LRP2: variants seen among roughly 807,000 people sequenced by gnomAD.
The protein encoded by LRP2 is low-density lipoprotein receptor-related protein 2.
In LRP2, 172 loss-of-function variants were observed where a neutral mutation model predicts 531.0. The ratio of observed to expected loss-of-function variants is 0.32; its 90% confidence interval spans 0.29 to 0.37. The LOEUF (loss-of-function observed/expected upper bound fraction) is 0.37. Ranked by LOEUF, LRP2 falls within the 10% of genes least tolerant of loss-of-function variation. The pLI is 1.00. For synonymous variants in LRP2, 1,992 were observed against 2,027.6 expected (o/e 0.98, Z 0.47); for missense variants, 5,167 against 5,868.3 (o/e 0.88, Z 3.90).
At chr2:169,214,209 T>G (rs1574141044) in intron 35 of LRP2, among the ~76,000 whole-genome samples, 1 of 152,158 alleles carries the variant, frequency 6.6e-6, no homozygotes, top group African/African-American at 2.4e-5. Flanking sequence ...CGTGGGCCAT[T>G]GCACAGGAGC....
intron 16 of LRP2, among the ~76,000 whole-genome samples, chr2:169,265,756 T>A (rs1473515149): frequency 3.9e-5 from 6 of 152,004 alleles, no homozygotes; most frequent in Admixed American, 3.9e-4. Flanking sequence ...GAAGCTATCA[T>A]GTAACTTGTT....
chr2:169,136,221 A>G (rs1356228254), intron 76 of LRP2, among the ~76,000 whole-genome samples: 2 of 152,048 alleles, frequency 1.3e-5, no homozygotes, highest in African/African-American at 4.8e-5. Context: ...ATCTTCCTTC[A>G]GCTTAATCTC....
chr2:169,141,794 C>G (rs1432849098), intron 71 of LRP2, among the ~76,000 whole-genome samples: 1 of 151,986 alleles, frequency 6.6e-6, no homozygotes, highest in East Asian at 1.9e-4. Context: ...ATATTGGATT[C>G]CTACCAATAT....
In LRP2 at chr2:169,271,086, A is replaced by C; in HGVS notation, c.2138T>G (p.Phe713Cys). 6.2e-7 allele frequency: 1 copy of C among 1,612,852 alleles called. No individual in the cohort carries two copies. The highest frequency in any genetic ancestry group is 8.5e-7 in the Non-Finnish European group (1 of 1,179,254). ...HCIAVQNFLI[F>C]SSQVAIRGIP... ...CCCACGAATAGCAACTTGGGATGAA[A>C]AAATGAGGAAATTCTGAACAGCTGT... The change falls in exon 16 of 79, where the codon TTT (phenylalanine) becomes TGT (cysteine). Residue 713 changes from phenylalanine to cysteine, a missense_variant. By Grantham distance (205) the Phe-to-Cys change is radical. Around this residue, in one of 6 missense-constraint regions of LRP2, gnomAD observed 2,811 missense variants for 3,058.0 expected, o/e 0.92. Coordinates refer to ENST00000649046, the MANE Select transcript of LRP2 (RefSeq NM_004525.3).
chr2:169,350,417 GTA>G (rs771728645), intron 1 of LRP2, among the ~76,000 whole-genome samples: 17 of 152,064 alleles, frequency 1.1e-4, no homozygotes, highest in Non-Finnish European at 2.4e-4. Flanking sequence ...TGGTAAAGAA[GTA>G]TATATGGAGT....
chr2:169,199,058 A>T, intron 44 of LRP2, 147 bp from the exon 45 acceptor site: 1 of 742,678 alleles, frequency 1.3e-6, no homozygotes, highest in Non-Finnish European at 2.3e-6. Flanking sequence ...GATCCATGAT[A>T]CTTATGTTAC....
chr2:169,269,611 G>T (rs1683343901), intron 16 of LRP2, among the ~76,000 whole-genome samples: 1 of 152,136 alleles, frequency 6.6e-6, no homozygotes, highest in Non-Finnish European at 1.5e-5. Context: ...ATTCAAGATG[G>T]ATTAAAGATT....
rs547086350 is a variant in LRP2 at position 169,334,758 on chromosome 2, C to G, written c.80-13874G>C. ...TACTGAACTGGTTTAGCTTGATGAA[C>G]CTGAATTTAAACTGATACAGTATGC... On this transcript the variant is annotated intron_variant, in intron 1 of 78. Coordinates refer to ENST00000649046, the MANE Select transcript of LRP2 (RefSeq NM_004525.3). Among the ~76,000 whole-genome samples, 3 of 152,250 alleles carry G rather than the reference C, an allele frequency of 2.0e-5. No homozygotes were observed. The South Asian group carries it at 6.2e-4, about 32-fold the overall frequency.
intron 76 of LRP2, among the ~76,000 whole-genome samples, chr2:169,135,902 G>A (rs1407404601): frequency 3.3e-5 from 5 of 151,870 alleles, no homozygotes; most frequent in African/African-American, 4.8e-5. Context: ...TTATACCACC[G>A]GTTTACACTG....
rs759805322 is a variant in LRP2 at position 169,275,030 on chromosome 2, G to GCTTA, written c.1975+2_1975+5dup. The GCTTA allele has an allele frequency of 3.1e-6, 5 of 1,613,186 alleles. No individual in the cohort carries two copies. The East Asian group carries it at 1.1e-4, about 36-fold the overall frequency. ...CAAGCATGGTTACCACTGCTCTGAG[G>GCTTA]CTTACCATAGGGCTGTCTGAGGGAA... On this transcript the variant is annotated splice_donor_region_variant and intron_variant, in intron 14 of 78. Transcript: ENST00000649046.
intron 63 of LRP2, among the ~76,000 whole-genome samples, 162 bp from the exon 64 acceptor site, chr2:169,157,664 T>A (rs1353687604): frequency 6.6e-6 from 1 of 151,988 alleles, no homozygotes; most frequent in African/African-American, 2.4e-5. Context: ...GAGTCAGGAT[T>A]CCTATTTCTG....
intron 16 of LRP2, among the ~76,000 whole-genome samples, chr2:169,261,028 G>T (rs1360505082): frequency 6.6e-6 from 1 of 151,992 alleles, no homozygotes; most frequent in East Asian, 1.9e-4. Flanking sequence ...GATGAGAGGG[G>T]TGTCAGCCAC....
chr2:169,207,498 C>T (rs1274802347), intron 38 of LRP2, among the ~76,000 whole-genome samples: 1 of 152,142 alleles, frequency 6.6e-6, no homozygotes, highest in Non-Finnish European at 1.5e-5. Context: ...GATTAGAATT[C>T]ATAGCAACAT....
At chr2:169,291,697 C>G (rs146308064) in intron 7 of LRP2, among the ~76,000 whole-genome samples, 26 of 38,298 alleles carry the variant, frequency 6.8e-4, no homozygotes, top group Middle Eastern at 0.024. Flanking sequence ...AGTAGCTTCT[C>G]CTACACTTAC....
chr2:169,162,371 T>A, intron 63 of LRP2, 101 bp downstream of exon 63: 5 of 1,375,790 alleles, frequency 3.6e-6, no homozygotes, highest in African/African-American at 1.4e-5. Flanking sequence ...AAAAGTACAT[T>A]AAGGAGAAAA....
At chr2:169,355,761 G>A (rs1685970918) in intron 1 of LRP2, among the ~76,000 whole-genome samples, 1 of 152,152 alleles carries the variant, frequency 6.6e-6, no homozygotes, top group South Asian at 2.1e-4. Context: ...GACAAGATTG[G>A]CCTGACATAG....
intron 4 of LRP2, among the ~76,000 whole-genome samples, chr2:169,296,562 G>C (rs1298542192): frequency 6.6e-6 from 1 of 151,884 alleles, no homozygotes; most frequent in Non-Finnish European, 1.5e-5. Flanking sequence ...AGCCTTTTAA[G>C]AGCAGCAGCA....
intron 24 of LRP2, among the ~76,000 whole-genome samples, chr2:169,242,662 C>A (rs1689851173): frequency 6.6e-6 from 1 of 152,080 alleles, no homozygotes. Flanking sequence ...TTTAAACCTA[C>A]TAAAGTGGGA....
At chr2:169,353,520 T>A (rs1291514346) in intron 1 of LRP2, among the ~76,000 whole-genome samples, 1 of 152,166 alleles carries the variant, frequency 6.6e-6, no homozygotes, top group Admixed American at 6.5e-5. Flanking sequence ...GGTTTTCTGT[T>A]TCTTGCAACA....
Sources: gnomAD v4.1 joint callset for allele counts (sites outside exome capture counted in the v4.1 genomes callset) on GRCh38, gnomAD v4.1.1 for gene constraint, gnomAD v4.1.1 regional missense constraint, MANE v1.5 for transcripts, NCBI Gene and HGNC (gene_info 2026-07-23, HGNC 2026-07-21) for gene names.